The following IL4R variants were observed in gnomAD, a reference collection of about 807,000 sequenced individuals.
IL4R encodes the protein interleukin-4 receptor subunit alpha.
IL4R carries 17 observed loss-of-function variants against 41.5 expected under a neutral mutation model. The ratio of observed to expected loss-of-function variants is 0.41; its 90% CI spans 0.28 to 0.61. The LOEUF is 0.61. Ranked by LOEUF, IL4R falls within the 20% of genes least tolerant of loss-of-function variation. The pLI is 0.31. For synonymous variants in IL4R, 402 were observed against 422.9 expected, an observed-to-expected ratio of 0.95 and a Z score of 0.61; for missense variants, 974 against 1,043.1, an observed-to-expected ratio of 0.93 and a Z score of 0.91.
rs142228914 is a variant in IL4R, at chr16:27,341,271, G to A, written c.71-850G>A. 2.4e-3 allele frequency: 1,500 copies of A among 629,054 alleles called. 18 individuals carry two copies. The highest frequency in any genetic ancestry group is 0.023 in the African/African-American group (1,274 of 54,886). 39.0% of individuals were successfully genotyped at this position (629,054 alleles called of 1,614,324 possible). A position where few individuals can be genotyped will look rare whatever the true frequency, so the allele number is the denominator to read the frequency against. ...TCTGACCTAAACTACTGGGAAGGAC[G>A]CGGTTGTCATTTCTGAAATGCAGAA... On this transcript the variant is annotated intron_variant, in intron 3 of 10. Transcript: ENST00000395762.
intron 2 of IL4R, among the ~76,000 whole-genome samples, chr16:27,338,377 C>G (rs2085328544): frequency 6.6e-6 from 1 of 151,822 alleles, no homozygotes; most frequent in African/African-American, 2.4e-5. Flanking sequence ...ACCACCGTGC[C>G]TGGCTGATTT....
At chr16:27,359,543 G>T (rs2141210240) in intron 9 of IL4R, among the ~76,000 whole-genome samples, 1 of 152,214 alleles carries the variant, frequency 6.6e-6, no homozygotes, top group Non-Finnish European at 1.5e-5. Context: ...TAGGAGAAAG[G>T]GGGATTATAG....
chr16:27,341,633 C>G (rs1367935624), intron 3 of IL4R, among the ~76,000 whole-genome samples: 2 of 152,154 alleles, frequency 1.3e-5, no homozygotes, highest in African/African-American at 4.8e-5. Flanking sequence ...TGGCCAAACC[C>G]AACCGGAAAC....
upstream of IL4R, chr16:27,313,959 AC>A (rs1434584117): frequency 2.0e-6 from 2 of 984,086 alleles, no homozygotes; most frequent in East Asian, 2.3e-4. Context: ...GGGAAGGGCC[AC>A]CCAGGGGTCC....
intron 1 of IL4R, among the ~76,000 whole-genome samples, chr16:27,324,579 T>C (rs543317876): frequency 6.6e-6 from 1 of 152,270 alleles, no homozygotes; most frequent in South Asian, 2.1e-4. Flanking sequence ...GAGTGTGCAA[T>C]ATGCCACAAA....
In IL4R at chr16:27,363,097, T is replaced by A. The variant is rs763354346; in HGVS notation, c.1745T>A (p.Val582Glu). The change falls in exon 11 of 11, where the codon GTG becomes GAG. Residue 582 changes from valine (V) to glutamate (E), a missense_variant. Around this residue, in one of 3 missense-constraint regions of IL4R, gnomAD observed 682 missense variants for 704.3 expected, o/e 0.97. Transcript: ENST00000395762. ...TSGYQEFVHAVEQGGTQASAV... is the reference protein window; with the variant it reads ...TSGYQEFVHAEEQGGTQASAV... ...GGCTATCAGGAGTTTGTACATGCGGTGGAGCAGGGTGGCACCCAGGCCAGT... is the reference window on the plus strand; with the variant it reads ...GGCTATCAGGAGTTTGTACATGCGGAGGAGCAGGGTGGCACCCAGGCCAGT... The A allele has an allele frequency of 1.9e-6, 3 of 1,613,920 alleles. No homozygotes were observed. In the African/African-American group the frequency reaches 4.0e-5, roughly 22 times the overall value.
At chr16:27,360,667 G>T in intron 9 of IL4R, 99 bp from the exon 10 acceptor site, 1 of 1,412,964 alleles carries the variant, frequency 7.1e-7, no homozygotes. Context: ...CTTCTGATCT[G>T]TGTGATGTCG....
chr16:27,327,348 G>T (rs1489934280), intron 1 of IL4R, among the ~76,000 whole-genome samples: 2 of 152,258 alleles, frequency 1.3e-5, no homozygotes, highest in South Asian at 4.1e-4. Flanking sequence ...GGTTCGGGAA[G>T]AGTCCTGCTG....
chr16:27,322,482 G>C (rs2084842560), intron 1 of IL4R, among the ~76,000 whole-genome samples: 1 of 152,082 alleles, frequency 6.6e-6, no homozygotes, highest in Non-Finnish European at 1.5e-5. Context: ...TGGCTGAATT[G>C]TTCCTTTAAT....
At chr16:27,339,907 A>G (rs1014834249) in intron 2 of IL4R, among the ~76,000 whole-genome samples, 14 of 152,150 alleles carry the variant, frequency 9.2e-5, no homozygotes, top group African/African-American at 3.1e-4. Context: ...AAATACAAAA[A>G]TTAGCCAGGT....
At chr16:27,359,405 C>G (rs2086204515) in intron 9 of IL4R, among the ~76,000 whole-genome samples, 2 of 152,170 alleles carry the variant, frequency 1.3e-5, no homozygotes, top group South Asian at 4.1e-4. Flanking sequence ...CTAGCAAATC[C>G]CTTCCGGGTT....
At position 27,362,631 on chromosome 16, in the gene IL4R, A is replaced by G. The variant is rs2086338438; in HGVS notation, c.1279A>G (p.Met427Val). 6.2e-7 allele frequency: 1 copy of G among 1,614,116 alleles called. No homozygotes were observed. Among genetic ancestry groups the G allele is most frequent in the Non-Finnish European group, 8.5e-7 (1 of 1,180,004 alleles). Residue 427 changes from methionine (M) to valine (V), a missense_variant, in exon 11 of 11, where the codon ATG becomes GTG. By Grantham distance (21) the Met-to-Val change is conservative (BLOSUM62 1). Transcript: ENST00000395762. Reference protein sequence around the residue: ...EENGGFCQQDMGESCLLPPSG... With the variant: ...EENGGFCQQDVGESCLLPPSG... ...GAATGGGGGCTTTTGCCAGCAGGACATGGGGGAGTCATGCCTTCTTCCACC... is the reference window on the plus strand; with the variant it reads ...GAATGGGGGCTTTTGCCAGCAGGACGTGGGGGAGTCATGCCTTCTTCCACC...
At chr16:27,344,364 CA>C (rs34638911) in intron 4 of IL4R, among the ~76,000 whole-genome samples, 4,636 of 112,842 alleles carry the variant, frequency 0.041, 181 homozygotes, top group African/African-American at 0.11. Flanking sequence ...TACAAATAAC[CA>C]AAAAAAAAAA....
rs1486432110 is a variant in IL4R, at chr16:27,361,721, C to T, written c.900-531C>T. On this transcript the variant is annotated intron_variant, in intron 10 of 10. Transcript: ENST00000395762. ...GTGGGCTCAAGTGATTCTCTAGCCT[C>T]AGCCTTCTAAGTAGCTGGGACTACA... 2.6e-5 allele frequency among the ~76,000 whole-genome samples: 4 copies of T among 151,376 alleles called. No individual in the cohort carries two copies. The East Asian group carries it at 7.8e-4, about 30-fold the overall frequency.
At chr16:27,319,465 G>A (rs950730862) in intron 1 of IL4R, among the ~76,000 whole-genome samples, 1 of 152,150 alleles carries the variant, frequency 6.6e-6, no homozygotes, top group Non-Finnish European at 1.5e-5. Context: ...TAAAATCTAT[G>A]CCTGAGTGCT....
chr16:27,363,510 C>A lies in IL4R; in HGVS notation c.2158C>A (p.Leu720Met). The A allele has an allele frequency of 1.2e-6, 2 of 1,614,192 alleles. No individual in the cohort carries two copies. The highest frequency in any genetic ancestry group is 1.7e-6 in the Non-Finnish European group (2 of 1,180,032). Residue 720 changes from leucine (L) to methionine (M), a missense_variant, in exon 11 of 11, where the codon CTG becomes ATG. Leu to Met is a conservative substitution (Grantham distance 15). This residue lies in a region of IL4R where 682 missense variants were observed against 704.3 expected (regional missense o/e 0.97). Transcript: ENST00000395762. ...GIVYSALTCH[L>M]CGHLKQCHGQ... The stretch of plus-strand genomic sequence containing the variant: ...TGTCTACTCAGCCCTTACCTGCCAC[C>A]TGTGCGGCCACCTGAAACAGTGTCA...
rs745646505 is a variant in IL4R at position 27,362,323 on chromosome 16, C to T, written c.971C>T (p.Pro324Leu). ...CACAACATGAAAAGGGATGAAGATCCTCACAAGGCTGCCAAAGAGATGCCT... is the reference window on the plus strand; with the variant it reads ...CACAACATGAAAAGGGATGAAGATCTTCACAAGGCTGCCAAAGAGATGCCT... Reference protein sequence around the residue: ...LEHNMKRDEDPHKAAKEMPFQ... With the variant: ...LEHNMKRDEDLHKAAKEMPFQ... Residue 324 changes from proline (P) to leucine (L), a missense_variant, in exon 11 of 11, where the codon CCT becomes CTT. Physicochemically the swap from Pro to Leu is moderately conservative, Grantham distance 98. Transcript: ENST00000395762. 6.8e-6 allele frequency: 11 copies of T among 1,614,164 alleles called. No individual in the cohort carries two copies. Among genetic ancestry groups the T allele is most frequent in the Non-Finnish European group, 7.6e-6 (9 of 1,180,026 alleles).
chr16:27,351,690 T>G (rs756158319), intron 6 of IL4R, among the ~76,000 whole-genome samples: 1 of 152,058 alleles, frequency 6.6e-6, no homozygotes, highest in Non-Finnish European at 1.5e-5. Flanking sequence ...AATTTTTGTA[T>G]TTTTAGTAGA....
chr16:27,337,376 G>A (rs2085291301), intron 2 of IL4R, among the ~76,000 whole-genome samples: 1 of 152,068 alleles, frequency 6.6e-6, no homozygotes, highest in Admixed American at 6.6e-5. Flanking sequence ...AACCATTCCT[G>A]TGCCACAGAA....
Sources: gnomAD v4.1 joint callset for allele counts (sites outside exome capture counted in the v4.1 genomes callset) on GRCh38, gnomAD v4.1.1 for gene constraint, gnomAD v4.1.1 regional missense constraint, MANE v1.5 for transcripts, NCBI Gene and HGNC (gene_info 2026-07-23, HGNC 2026-07-21) for gene names.